The following CDH13 variants were observed in gnomAD, a reference collection of about 807,000 sequenced individuals.
CDH13 encodes the protein cadherin-13.
Under a neutral mutation model 63.8 loss-of-function variants are expected in CDH13, and 24 were observed. That is an observed-to-expected ratio of 0.38 (90% CI 0.27 to 0.53). The LOEUF is 0.53. CDH13 is among the 20% of genes least tolerant of loss of function. The pLI, the probability that CDH13 is intolerant of heterozygous loss-of-function variation, is 0.85. For missense variants in CDH13, 1,049 were observed against 903.1 expected, an observed-to-expected ratio of 1.16 and a Z score of -2.07; for synonymous variants, 503 against 355.3, an observed-to-expected ratio of 1.42 and a Z score of -4.67.
At chr16:83,593,379 C>T (rs1906945671) in intron 7 of CDH13, among the ~76,000 whole-genome samples, 1 of 152,178 alleles carries the variant, frequency 6.6e-6, no homozygotes, top group Admixed American at 6.5e-5. Flanking sequence ...CCCATTCTCA[C>T]TGGCTCACAA....
chr16:83,253,261 G>C (rs1199256552), intron 5 of CDH13, among the ~76,000 whole-genome samples: 1 of 152,098 alleles, frequency 6.6e-6, no homozygotes, highest in Non-Finnish European at 1.5e-5. Context: ...GTTTGTTGGG[G>C]GTGGGACTCC....
chr16:83,419,927 T>TTA lies in CDH13; in HGVS notation c.782-66550_782-66549insTA, dbSNP rs200096985. Among the ~76,000 whole-genome samples, 177 of 148,028 alleles carry TTA rather than the reference T, an allele frequency of 1.2e-3. 1 individual carries two copies. The highest frequency in any genetic ancestry group is 2.7e-3 in the Admixed American group (41 of 14,912). ...GAATCGTCCAATCTTTTTTTTTTTT[T>TTA]AAAAAAAAGTTTTGTATGTATGTGT... On this transcript the variant is annotated intron_variant, in intron 6 of 13. Transcript: ENST00000567109.
intron 1 of CDH13, among the ~76,000 whole-genome samples, chr16:82,788,493 C>T (rs2036132606): frequency 6.6e-6 from 1 of 152,214 alleles, no homozygotes; most frequent in South Asian, 2.1e-4. Context: ...CATGAGTTCA[C>T]CACTGCTGGT....
At chr16:82,737,594 T>G (rs2033736013) in intron 1 of CDH13, among the ~76,000 whole-genome samples, 1 of 152,180 alleles carries the variant, frequency 6.6e-6, no homozygotes, top group Non-Finnish European at 1.5e-5. Context: ...CAGAGAAGGT[T>G]TATAGTGTGG....
chr16:83,599,297 C>G (rs1477380885), intron 7 of CDH13, among the ~76,000 whole-genome samples: 1 of 152,216 alleles, frequency 6.6e-6, no homozygotes, highest in African/African-American at 2.4e-5. Flanking sequence ...TCACCCTAGT[C>G]TCCCAATTTG....
intron 8 of CDH13, among the ~76,000 whole-genome samples, chr16:83,644,330 G>T (rs919973710): frequency 7.9e-5 from 12 of 152,082 alleles, no homozygotes; most frequent in African/African-American, 2.7e-4. Context: ...ATTGTGTTCT[G>T]TTTTATAGAT....
intron 1 of CDH13, among the ~76,000 whole-genome samples, chr16:82,707,712 C>T (rs2031604236): frequency 6.6e-6 from 1 of 152,130 alleles, no homozygotes; most frequent in Non-Finnish European, 1.5e-5. Context: ...TCTCTGTTTT[C>T]ATGTAATTTG....
At chr16:82,939,844 A>G (rs1385612986) in intron 2 of CDH13, among the ~76,000 whole-genome samples, 2 of 152,170 alleles carry the variant, frequency 1.3e-5, no homozygotes, top group African/African-American at 2.4e-5. Context: ...ATTTCATTCC[A>G]CTATAGGTAT....
intron 4 of CDH13, chr16:83,171,425 G>A: frequency 9.9e-7 from 1 of 1,007,180 alleles, no homozygotes; most frequent in Non-Finnish European, 1.5e-6. Context: ...CATGAGATTT[G>A]GGTGAGGACA....
At chr16:83,708,788 G>T (rs530058171) in intron 10 of CDH13, among the ~76,000 whole-genome samples, 2 of 152,322 alleles carry the variant, frequency 1.3e-5, no homozygotes, top group East Asian at 1.9e-4. Context: ...ACTTTGGGAG[G>T]CTGAGGTTGG....
At chr16:83,179,603 G>C (rs551346785) in intron 4 of CDH13, among the ~76,000 whole-genome samples, 16 of 151,730 alleles carry the variant, frequency 1.1e-4, no homozygotes, top group African/African-American at 3.9e-4. Context: ...AGTGAGCCGA[G>C]ATCACGCCAC....
At chr16:83,547,215 C>T (rs6563928) in intron 7 of CDH13, among the ~76,000 whole-genome samples, 151,130 of 152,352 alleles carry the variant, frequency 0.99, 74,980 homozygotes, top group East Asian at 1. Flanking sequence ...GAAAGGCAAA[C>T]AGGGCTTCAA....
chr16:83,095,628 C>T (rs1168690804), intron 3 of CDH13, among the ~76,000 whole-genome samples: 4 of 152,134 alleles, frequency 2.6e-5, no homozygotes, highest in African/African-American at 7.2e-5. Context: ...AAATCCTTGG[C>T]ATATGGTAGA....
intron 7 of CDH13, among the ~76,000 whole-genome samples, chr16:83,487,236 T>A (rs2073910276): frequency 6.6e-6 from 1 of 152,268 alleles, no homozygotes; most frequent in Non-Finnish European, 1.5e-5. Flanking sequence ...TCCACATGCC[T>A]GCTCTTTCGT....
chr16:82,828,591 C>T (rs1480817346), intron 1 of CDH13, among the ~76,000 whole-genome samples: 1 of 151,864 alleles, frequency 6.6e-6, no homozygotes, highest in Non-Finnish European at 1.5e-5. Context: ...CACTGCACTC[C>T]AGCCTGGGCA....
intron 5 of CDH13, among the ~76,000 whole-genome samples, chr16:83,300,996 T>C (rs370441526): frequency 1.3e-5 from 2 of 150,640 alleles, no homozygotes; most frequent in East Asian, 2.0e-4. Flanking sequence ...ATATTGCACA[T>C]GTTGAACTGA....
At chr16:83,361,164 A>C (rs919346791) in intron 6 of CDH13, among the ~76,000 whole-genome samples, 4 of 152,068 alleles carry the variant, frequency 2.6e-5, no homozygotes, top group African/African-American at 9.7e-5. Flanking sequence ...TTGTGGTTTC[A>C]GTTTGCGTTT....
chr16:83,191,464 T>TATATATATATATATATATAC (rs2038698724), intron 4 of CDH13, among the ~76,000 whole-genome samples: 1 of 92,498 alleles, frequency 1.1e-5, no homozygotes, highest in African/African-American at 4.6e-5. Flanking sequence ...AGGAAATATA[T>TATATATATATATATATATAC]ATATATATAT....
intron 5 of CDH13, among the ~76,000 whole-genome samples, chr16:83,325,100 T>A (rs1341490010): frequency 6.6e-6 from 1 of 152,214 alleles, no homozygotes; most frequent in African/African-American, 2.4e-5. Flanking sequence ...GCAATCTAAA[T>A]GGGATCTCGT....
Sources: allele counts gnomAD v4.1 joint callset (sites outside exome capture counted in the v4.1 genomes callset), GRCh38; gene constraint gnomAD v4.1.1; transcripts MANE v1.5; gene names NCBI Gene and HGNC (gene_info 2026-07-23, HGNC 2026-07-21).